TBC1D22A: variants seen among roughly 807,000 people sequenced by gnomAD.
TBC1D22A encodes putative GTPase activator.
A neutral mutation model predicts 60.2 loss-of-function variants in TBC1D22A; 38 were observed. That is an observed-to-expected ratio of 0.63 (90% confidence interval 0.49 to 0.83). The LOEUF is 0.83. Among genes scored for constraint, TBC1D22A ranks in the 40% least tolerant of loss-of-function variants. TBC1D22A has a pLI of 0.00. For missense variants in TBC1D22A, 628 were observed against 701.0 expected (o/e 0.90, Z 1.18); for synonymous variants, 302 against 281.7 (o/e 1.07, Z -0.72).
At chr22:47,007,102 A>G (rs1389355722) in intron 10 of TBC1D22A, among the ~76,000 whole-genome samples, 8 of 152,174 alleles carry the variant, frequency 5.3e-5, no homozygotes, top group South Asian at 2.1e-4. Flanking sequence ...GGCCAGAGAC[A>G]AAAAGGCGCT....
chr22:47,002,468 G>A (rs771529796), intron 10 of TBC1D22A, among the ~76,000 whole-genome samples: 2 of 152,174 alleles, frequency 1.3e-5, no homozygotes, highest in Non-Finnish European at 2.9e-5. Context: ...CATAGATGAC[G>A]TCTGTATAAA....
At chr22:46,841,071 T>TGTGA (rs1250002196) in intron 4 of TBC1D22A, among the ~76,000 whole-genome samples, 14 of 150,760 alleles carry the variant, frequency 9.3e-5, no homozygotes, top group African/African-American at 3.4e-4. Flanking sequence ...TGTGTGTGTG[T>TGTGA]GTGAGAGAGA....
chr22:46,870,014 G>A (rs1184866058), intron 4 of TBC1D22A, among the ~76,000 whole-genome samples: 2 of 152,200 alleles, frequency 1.3e-5, no homozygotes, highest in African/African-American at 2.4e-5. Flanking sequence ...AGAGTGTGCT[G>A]AATAACTGCA....
At chr22:46,844,238 C>T (rs965509182) in intron 4 of TBC1D22A, among the ~76,000 whole-genome samples, 3 of 151,972 alleles carry the variant, frequency 2.0e-5, no homozygotes, top group Admixed American at 6.6e-5. Context: ...TGCCATGCCA[C>T]GGTGCCCATG....
At chr22:47,146,664 C>T (rs78758773) in intron 12 of TBC1D22A, among the ~76,000 whole-genome samples, 5 of 152,270 alleles carry the variant, frequency 3.3e-5, no homozygotes, top group East Asian at 1.9e-4. Context: ...GGACAGGCAG[C>T]GAGATGGTTC....
At chr22:46,876,221 G>C (rs115185052) in intron 4 of TBC1D22A, among the ~76,000 whole-genome samples, 1 of 152,140 alleles carries the variant, frequency 6.6e-6, no homozygotes, top group Admixed American at 6.5e-5. Flanking sequence ...TCAGATTCTC[G>C]TATGTGCCTA....
chr22:47,052,554 C>T (rs765520006), intron 11 of TBC1D22A, among the ~76,000 whole-genome samples: 2 of 152,216 alleles, frequency 1.3e-5, no homozygotes, highest in Non-Finnish European at 2.9e-5. Flanking sequence ...CCTGAGGTCA[C>T]ACAGCACGGT....
intron 10 of TBC1D22A, among the ~76,000 whole-genome samples, chr22:47,001,299 CTTTTTTTTTTTT>C (rs11331060): frequency 7.5e-6 from 1 of 133,902 alleles, no homozygotes; most frequent in Non-Finnish European, 1.6e-5. Flanking sequence ...TTCTTTCTTT[CTTTTTTTTTTTT>C]TTTTTTTAAT....
chr22:46,961,895 G>T (rs1379782600), intron 8 of TBC1D22A, among the ~76,000 whole-genome samples: 1 of 152,226 alleles, frequency 6.6e-6, no homozygotes, highest in Non-Finnish European at 1.5e-5. Flanking sequence ...GTTTGAGTGT[G>T]AGTGTGTCTG....
intron 4 of TBC1D22A, among the ~76,000 whole-genome samples, chr22:46,855,838 G>A (rs2087540551): frequency 6.6e-6 from 1 of 152,082 alleles, no homozygotes; most frequent in Non-Finnish European, 1.5e-5. Context: ...TATATGTAGG[G>A]GACTGTGGGA....
intron 12 of TBC1D22A, among the ~76,000 whole-genome samples, chr22:47,135,475 G>T (rs1486548751): frequency 1.3e-5 from 2 of 152,220 alleles, no homozygotes; most frequent in African/African-American, 4.8e-5. Context: ...AGTCGGGGTA[G>T]GGGGAGAAGT....
At chr22:46,968,348 G>A (rs1246083001) in intron 8 of TBC1D22A, among the ~76,000 whole-genome samples, 1 of 152,246 alleles carries the variant, frequency 6.6e-6, no homozygotes, top group Non-Finnish European at 1.5e-5. Flanking sequence ...GTTACCTGCA[G>A]CCTCCTTACC....
At chr22:47,079,270 A>G (rs1256524402) in intron 11 of TBC1D22A, among the ~76,000 whole-genome samples, 1 of 151,922 alleles carries the variant, frequency 6.6e-6, no homozygotes, top group Non-Finnish European at 1.5e-5. Flanking sequence ...TATTTTTAGT[A>G]GAGATGGGGT....
chr22:46,941,825 A>AATAGAATATATG (rs1555960484), intron 8 of TBC1D22A, among the ~76,000 whole-genome samples: 2 of 97,972 alleles, frequency 2.0e-5, no homozygotes, highest in Non-Finnish European at 4.1e-5. Context: ...TATATAGAAT[A>AATAGAATATATG]TATAGAATAA....
intron 11 of TBC1D22A, among the ~76,000 whole-genome samples, chr22:47,073,440 C>T (rs780386296): frequency 9.2e-5 from 14 of 152,144 alleles, no homozygotes; most frequent in Non-Finnish European, 1.8e-4. Context: ...CAGAAGGCCC[C>T]GTGTGGATGC....
chr22:47,135,175 C>T (rs1447424093), intron 12 of TBC1D22A, among the ~76,000 whole-genome samples: 1 of 152,228 alleles, frequency 6.6e-6, no homozygotes, highest in Non-Finnish European at 1.5e-5. Flanking sequence ...GCAGAGCCCA[C>T]CTGTGGGCAG....
chr22:47,037,260 C>T, intron 11 of TBC1D22A, 62 bp downstream of exon 11: 2 of 1,599,542 alleles, frequency 1.3e-6, no homozygotes, highest in Non-Finnish European at 1.7e-6. Flanking sequence ...TTTCCTGTCG[C>T]CTTCTGCCCT....
intron 10 of TBC1D22A, among the ~76,000 whole-genome samples, chr22:47,007,778 A>T (rs894270048): frequency 1.3e-5 from 2 of 152,082 alleles, no homozygotes; most frequent in Non-Finnish European, 2.9e-5. Context: ...ATCCTGTGGG[A>T]TCAGGGTCCC....
chr22:46,918,225 G>T (rs1482008966), intron 8 of TBC1D22A, among the ~76,000 whole-genome samples: 1 of 152,332 alleles, frequency 6.6e-6, no homozygotes, highest in East Asian at 1.9e-4. Flanking sequence ...GCTTAAAATG[G>T]TGGCCGCATC....
Sources: gnomAD v4.1 joint callset for allele counts (sites outside exome capture counted in the v4.1 genomes callset) on GRCh38, gnomAD v4.1.1 for gene constraint, MANE v1.5 for transcripts, NCBI Gene and HGNC (gene_info 2026-07-23, HGNC 2026-07-21) for gene names.